GCH1: variants seen among roughly 807,000 people sequenced by gnomAD.
The protein encoded by GCH1 is GTP cyclohydrolase 1.
In GCH1, 5 loss-of-function variants were observed where a neutral mutation model predicts 25.9. That is an observed-to-expected ratio of 0.19 (90% CI 0.10 to 0.41). GCH1 has a LOEUF of 0.41. Ranked by LOEUF, GCH1 falls within the 10% of genes least tolerant of loss-of-function variation. The probability of loss-of-function intolerance (pLI) is 1.00; values close to 1 mark genes in which losing one functional copy is unlikely to be tolerated. For missense variants in GCH1, 261 were observed against 336.5 expected, an observed-to-expected ratio of 0.78 and a Z score of 1.75; for synonymous variants, 159 against 129.6, an observed-to-expected ratio of 1.23 and a Z score of -1.54.
chr14:54,860,068 C>T (rs922991404), intron 2 of GCH1, among the ~76,000 whole-genome samples: 7 of 152,168 alleles, frequency 4.6e-5, no homozygotes, highest in African/African-American at 1.2e-4. Flanking sequence ...GTCCCGCAGT[C>T]GGCCCTGCAG....
chr14:54,882,857 T>C (rs993156405), intron 1 of GCH1, among the ~76,000 whole-genome samples: 4 of 152,198 alleles, frequency 2.6e-5, no homozygotes, highest in African/African-American at 9.7e-5. Context: ...TAGTGACAGA[T>C]GAAGAGATAA....
At chr14:54,883,267 T>C (rs1296653819) in intron 1 of GCH1, among the ~76,000 whole-genome samples, 2 of 148,028 alleles carry the variant, frequency 1.4e-5, no homozygotes, top group Non-Finnish European at 3.0e-5. Flanking sequence ...AGCTATTCGG[T>C]AGGCTGAGGC....
intron 1 of GCH1, among the ~76,000 whole-genome samples, chr14:54,867,009 A>G (rs983953192): frequency 6.6e-6 from 1 of 152,228 alleles, no homozygotes; most frequent in African/African-American, 2.4e-5. Flanking sequence ...AAAGAAGACC[A>G]AAAATAGATC....
intron 3 of GCH1, among the ~76,000 whole-genome samples, chr14:54,847,960 G>A (rs1041358482): frequency 6.6e-6 from 1 of 151,932 alleles, no homozygotes; most frequent in African/African-American, 2.4e-5. Flanking sequence ...GCACACCACG[G>A]TCAACTACTA....
chr14:54,843,116 TA>T lies in GCH1; in HGVS notation c.*900del, dbSNP rs918838734. ...TACTTAGAAAAATATCTTATAAGAT[TA>T]AAAAAAAGAAGAAGAAGAAACATTT... is the stretch of plus-strand genomic sequence containing the variant. On this transcript the variant is annotated 3_prime_UTR_variant, in exon 6 of 6. Transcript: ENST00000491895. 147 of 1,492,140 alleles carry T rather than the reference TA, an allele frequency of 9.9e-5. No homozygotes were observed. The highest frequency in any genetic ancestry group is 1.0e-4 in the Non-Finnish European group (109 of 1,095,420). The allele number at this position is 1,492,140 out of a possible 1,614,324, so 92.4% of individuals were successfully genotyped here.
At chr14:54,901,542 T>G (rs2040566193) in intron 1 of GCH1, among the ~76,000 whole-genome samples, 1 of 152,026 alleles carries the variant, frequency 6.6e-6, no homozygotes, top group Non-Finnish European at 1.5e-5. Context: ...GGCTTTATTT[T>G]AGGGTGGGAG....
intron 1 of GCH1, among the ~76,000 whole-genome samples, chr14:54,881,662 C>CA (rs1306564573): frequency 2.0e-5 from 3 of 152,168 alleles, no homozygotes; most frequent in Non-Finnish European, 2.9e-5. Flanking sequence ...CTGGAGTGCA[C>CA]AGAGCTGCCG....
intron 1 of GCH1, among the ~76,000 whole-genome samples, chr14:54,895,947 G>A (rs1302312312): frequency 1.3e-5 from 2 of 152,206 alleles, no homozygotes; most frequent in Non-Finnish European, 2.9e-5. Context: ...CTGGAAAGTA[G>A]GGAAAAGGTG....
Position 54,843,671 on chromosome 14 carries a change from G to A in GCH1, c.*346C>T. 1.3e-6 allele frequency: 2 copies of A among 1,582,638 alleles called. No homozygotes were observed. Among genetic ancestry groups the A allele is most frequent in the East Asian group, 4.5e-5 (2 of 44,324 alleles). On this transcript the variant is annotated 3_prime_UTR_variant, in exon 6 of 6. Coordinates refer to ENST00000491895, the MANE Select transcript of GCH1 (RefSeq NM_000161.3). Reference sequence around the variant, plus strand: ...GGCACAGTTCCCTCTCATTCCCAATGCTCCTATGCTTATGAGGCAAATTAC... The same window carrying A: ...GGCACAGTTCCCTCTCATTCCCAATACTCCTATGCTTATGAGGCAAATTAC...
intron 1 of GCH1, among the ~76,000 whole-genome samples, chr14:54,891,670 A>G (rs946458019): frequency 1.3e-5 from 2 of 152,308 alleles, no homozygotes; most frequent in African/African-American, 4.8e-5. Context: ...TCGGCCACCC[A>G]AAGTGCTGGA....
At chr14:54,894,912 G>A (rs1162667062) in intron 1 of GCH1, among the ~76,000 whole-genome samples, 1 of 152,162 alleles carries the variant, frequency 6.6e-6, no homozygotes, top group African/African-American at 2.4e-5. Flanking sequence ...GATGAGAAGA[G>A]CATTTCTATA....
rs886688654 is a variant in GCH1, at chr14:54,870,235, C to T, written c.344-4799G>A. ...TTTTTAGGCTGGGTGCGGTGGCTCA[C>T]ATCTGTAATTCTAGCACTTTGGGAG... On this transcript the variant is annotated intron_variant, in intron 1 of 5. Coordinates refer to ENST00000491895, the MANE Select transcript of GCH1 (RefSeq NM_000161.3). 2.7e-5 allele frequency among the ~76,000 whole-genome samples: 4 copies of T among 148,096 alleles called. No homozygotes were observed. In the Admixed American group the frequency reaches 2.7e-4, roughly 10 times the overall value.
chr14:54,844,065 C>G lies in GCH1; in HGVS notation c.705G>C (p.Arg235=). The change falls in exon 6 of 6, where the codon CGG becomes CGC. Residue 235 remains arginine, a synonymous_variant. Transcript: ENST00000491895. Reference sequence around the variant, plus strand: ...ACTCTTCCCGAGTCTTTGGATCCTCCCGGAACACACCCAACATTGTGCTGG... The same window carrying G: ...ACTCTTCCCGAGTCTTTGGATCCTCGCGGAACACACCCAACATTGTGCTGG... ...TVTSTMLGVF[R]EDPKTREEFL... The G allele has an allele frequency of 6.2e-7, 1 of 1,614,056 alleles. No individual in the cohort carries two copies. Among genetic ancestry groups the G allele is most frequent in the Non-Finnish European group, 8.5e-7 (1 of 1,179,920 alleles).
In GCH1 at chr14:54,859,726, C is replaced by T; in HGVS notation, c.464G>A (p.Gly155Asp). ...LVPFVGKVHI[G>D]YLPNKQVLGL... The stretch of plus-strand genomic sequence containing the variant: ...AAGGACTTGCTTGTTAGGAAGATAA[C>T]CAATATGGACCTTCAGAGAAGAGAC... The change falls in exon 3 of 6, where the codon GGT (glycine) becomes GAT (aspartate). Residue 155 changes from glycine to aspartate, a missense_variant. Around this residue, in one of 3 missense-constraint regions of GCH1, gnomAD observed 130 missense variants for 184.1 expected, o/e 0.71. Coordinates refer to ENST00000491895, the MANE Select transcript of GCH1 (RefSeq NM_000161.3). 1.3e-6 allele frequency: 2 copies of T among 1,585,638 alleles called. No homozygotes were observed. Among genetic ancestry groups the T allele is most frequent in the Non-Finnish European group, 1.7e-6 (2 of 1,154,080 alleles).
rs150668526 is a variant in GCH1, at chr14:54,876,495, TA to T, written c.344-11060del. On this transcript the variant is annotated intron_variant, in intron 1 of 5. Transcript: ENST00000491895. ...TACCCTAAAACTTAAAGTATAATAA[TA>T]AAAAAAAAATTATAAAGTACTGCAT... 1.3e-4 allele frequency among the ~76,000 whole-genome samples: 19 copies of T among 149,942 alleles called. No homozygotes were observed. In the South Asian group the frequency reaches 3.4e-3, roughly 27 times the overall value.
intron 2 of GCH1, among the ~76,000 whole-genome samples, chr14:54,863,643 G>T (rs537153859): frequency 6.6e-6 from 1 of 151,646 alleles, no homozygotes; most frequent in South Asian, 2.1e-4. Context: ...CAATGAATCC[G>T]ACTATGTAGA....
chr14:54,900,287 G>T (rs2040545417), intron 1 of GCH1, among the ~76,000 whole-genome samples: 1 of 151,886 alleles, frequency 6.6e-6, no homozygotes, highest in African/African-American at 2.4e-5. Context: ...TCGGCTCACT[G>T]CAACCTCCTC....
intron 2 of GCH1, among the ~76,000 whole-genome samples, chr14:54,864,254 T>C (rs548034410): frequency 1.3e-5 from 2 of 152,316 alleles, no homozygotes; most frequent in South Asian, 4.1e-4. Context: ...AGTGAAAAGA[T>C]ACAATACTTT....
intron 1 of GCH1, among the ~76,000 whole-genome samples, chr14:54,876,105 C>T (rs888981636): frequency 2.5e-4 from 38 of 152,062 alleles, no homozygotes; most frequent in Admixed American, 9.2e-4. Flanking sequence ...CCCAAATGTC[C>T]AACAATGATA....
Sources: gnomAD v4.1 joint callset for allele counts (sites outside exome capture counted in the v4.1 genomes callset) on GRCh38, gnomAD v4.1.1 for gene constraint, gnomAD v4.1.1 regional missense constraint, MANE v1.5 for transcripts, NCBI Gene and HGNC (gene_info 2026-07-23, HGNC 2026-07-21) for gene names.